Variants in JAZF1 observed in about 807,000 individuals in gnomAD.
JAZF1 encodes juxtaposed with another zinc finger protein 1.
A neutral mutation model predicts 26.4 loss-of-function variants in JAZF1; 8 were observed. The observed-to-expected ratio is 0.30, with a 90% CI of 0.18 to 0.55. JAZF1 has a LOEUF of 0.55. Ranked by LOEUF, JAZF1 falls within the 20% of genes least tolerant of loss-of-function variation. The pLI, the probability that JAZF1 is intolerant of heterozygous loss-of-function variation, is 0.94. For missense variants in JAZF1, 199 were observed against 322.0 expected, an observed-to-expected ratio of 0.62 and a Z score of 2.92; for synonymous variants, 126 against 122.3, an observed-to-expected ratio of 1.03 and a Z score of -0.20.
At chr7:28,141,962 T>C (rs1448094923) in intron 1 of JAZF1, among the ~76,000 whole-genome samples, 1 of 152,102 alleles carries the variant, frequency 6.6e-6, no homozygotes, top group East Asian at 1.9e-4. Context: ...GTCAGAAAAA[T>C]ACCAGTTAGC....
intron 1 of JAZF1, among the ~76,000 whole-genome samples, chr7:28,041,250 C>T (rs931316729): frequency 3.9e-5 from 6 of 152,008 alleles, no homozygotes; most frequent in East Asian, 3.9e-4. Context: ...TGTGAGTGCA[C>T]GAGTGTGTAT....
intron 1 of JAZF1, among the ~76,000 whole-genome samples, chr7:28,173,850 A>G (rs498915): frequency 6.9e-6 from 1 of 144,870 alleles, no homozygotes; most frequent in Admixed American, 7.2e-5. Context: ...GAGGATATCC[A>G]CTAATCTGGT....
chr7:28,057,885 C>G (rs1318375704), intron 1 of JAZF1, among the ~76,000 whole-genome samples: 1 of 152,126 alleles, frequency 6.6e-6, no homozygotes, highest in Non-Finnish European at 1.5e-5. Flanking sequence ...TTCATCTTTT[C>G]AAAGAACAAA....
At chr7:28,020,602 T>C (rs2128372721) in intron 1 of JAZF1, 1 of 471,258 alleles carries the variant, frequency 2.1e-6, no homozygotes, top group East Asian at 7.0e-5. Context: ...CAACCATGTC[T>C]TCATTTCTCA....
chr7:28,125,122 G>A lies in JAZF1; in HGVS notation c.115+55341C>T, dbSNP rs531173326. On this transcript the variant is annotated intron_variant, in intron 1 of 4. Coordinates refer to ENST00000283928, the MANE Select transcript of JAZF1 (RefSeq NM_175061.4). ...TTATTAGTCACCACACTGAGAAGGT[G>A]CAATTATGGAACAGGGAAGATTGCT... Among the ~76,000 whole-genome samples, 9 of 147,124 alleles carry A rather than the reference G, an allele frequency of 6.1e-5. No homozygotes were observed. The South Asian group carries it at 1.5e-3, about 24-fold the overall frequency.
At chr7:28,119,326 A>G (rs1384116536) in intron 1 of JAZF1, among the ~76,000 whole-genome samples, 1 of 151,954 alleles carries the variant, frequency 6.6e-6, no homozygotes, top group Non-Finnish European at 1.5e-5. Context: ...AACCATTAAT[A>G]CCCGCTGCCC....
intron 2 of JAZF1, among the ~76,000 whole-genome samples, chr7:27,957,054 C>T (rs938714918): frequency 6.6e-6 from 1 of 152,176 alleles, no homozygotes; most frequent in African/African-American, 2.4e-5. Flanking sequence ...TCTGCTCTGC[C>T]CTGAGTCTGC....
chr7:27,904,654 T>C, intron 2 of JAZF1, among the ~76,000 whole-genome samples: 1 of 129,582 alleles, frequency 7.7e-6, no homozygotes, highest in East Asian at 2.6e-4. Flanking sequence ...TTCATAGAAC[T>C]TTTGCAGTAT....
intron 3 of JAZF1, among the ~76,000 whole-genome samples, chr7:27,845,801 T>C (rs777803790): frequency 6.6e-6 from 1 of 151,966 alleles, no homozygotes; most frequent in Non-Finnish European, 1.5e-5. Context: ...TCATGGGGGC[T>C]TCCCTTCTCC....
intron 2 of JAZF1, among the ~76,000 whole-genome samples, chr7:27,926,527 T>A (rs1203899304): frequency 6.6e-6 from 1 of 152,262 alleles, no homozygotes; most frequent in African/African-American, 2.4e-5. Context: ...ACAGGTGCTC[T>A]ACTAATTGGA....
intron 1 of JAZF1, among the ~76,000 whole-genome samples, chr7:28,177,379 T>A (rs1193052757): frequency 6.6e-6 from 1 of 152,192 alleles, no homozygotes; most frequent in African/African-American, 2.4e-5. Flanking sequence ...ACATATAAGA[T>A]AACAGAGAGT....
Position 28,034,904 on chromosome 7 carries a change from T to C in JAZF1, c.116-42923A>G, listed in dbSNP as rs150916259. On this transcript the variant is annotated intron_variant, in intron 1 of 4. Transcript: ENST00000283928. Reference sequence around the variant, plus strand: ...GGCCTCTGCAAACAAAGTGTGATTTTTTACTATCCTGTATATTAATGAAAT... The same window carrying C: ...GGCCTCTGCAAACAAAGTGTGATTTCTTACTATCCTGTATATTAATGAAAT... Among the ~76,000 whole-genome samples, 375 of 152,284 alleles carry C rather than the reference T, an allele frequency of 2.5e-3. 2 individuals are homozygous for C. The highest frequency in any genetic ancestry group is 8.7e-3 in the African/African-American group (360 of 41,548).
At chr7:27,908,627 G>C (rs76796151) in intron 2 of JAZF1, among the ~76,000 whole-genome samples, 3,046 of 152,270 alleles carry the variant, frequency 0.02, 103 homozygotes, top group African/African-American at 0.069. Context: ...AAATGGGCCA[G>C]TTTTCCAAAA....
rs1783214660 is a variant in JAZF1 at position 27,854,862 on chromosome 7, T to C, written c.386-13995A>G. ...TCTTGGGGTTGCTTTTCTCAAGGAG[T>C]ATCTTTGTAGTATTCTCTGTATTTC... On this transcript the variant is annotated intron_variant, in intron 3 of 4. Transcript: ENST00000283928. Among the ~76,000 whole-genome samples the C allele has an allele frequency of 4.6e-5, 7 of 152,064 alleles. 1 individual carries two copies. Among genetic ancestry groups the C allele is most frequent in the Admixed American group, 4.6e-4 (7 of 15,274 alleles).
At chr7:27,852,259 G>A (rs1783165090) in intron 3 of JAZF1, among the ~76,000 whole-genome samples, 1 of 151,844 alleles carries the variant, frequency 6.6e-6, no homozygotes, top group African/African-American at 2.4e-5. Context: ...AGCCTCTTGA[G>A]TAGCTGGGAT....
At chr7:27,835,989 C>T (rs1026371069) in intron 4 of JAZF1, among the ~76,000 whole-genome samples, 1 of 152,172 alleles carries the variant, frequency 6.6e-6, no homozygotes, top group Admixed American at 6.5e-5. Context: ...ATTTAATACT[C>T]ATGTTCTGGA....
chr7:27,948,322 C>T (rs1024315724), intron 2 of JAZF1, among the ~76,000 whole-genome samples: 7 of 152,292 alleles, frequency 4.6e-5, no homozygotes, highest in Non-Finnish European at 7.3e-5. Context: ...CAAATAAAAA[C>T]TACATGTGGC....
chr7:27,905,914 T>C (rs1478303267), intron 2 of JAZF1, among the ~76,000 whole-genome samples: 3 of 152,210 alleles, frequency 2.0e-5, no homozygotes, highest in Non-Finnish European at 4.4e-5. Flanking sequence ...AGCCACAATA[T>C]AAAATTTCAT....
At chr7:27,925,029 T>A (rs1247571406) in intron 2 of JAZF1, among the ~76,000 whole-genome samples, 1 of 152,216 alleles carries the variant, frequency 6.6e-6, no homozygotes, top group Non-Finnish European at 1.5e-5. Context: ...TAGGAGGATA[T>A]ATGTACTTAC....
Sources: allele counts gnomAD v4.1 joint callset (sites outside exome capture counted in the v4.1 genomes callset), GRCh38; gene constraint gnomAD v4.1.1; transcripts MANE v1.5; gene names NCBI Gene and HGNC (gene_info 2026-07-23, HGNC 2026-07-21).